The following ST6GALNAC3 variants were observed in gnomAD, a reference collection of about 807,000 sequenced individuals.
ST6GALNAC3 encodes alpha-N-acetylgalactosaminide alpha-2,6-sialyltransferase 3.
A neutral mutation model predicts 32.7 loss-of-function variants in ST6GALNAC3; 25 were observed. The ratio of observed to expected loss-of-function variants is 0.76; its 90% CI spans 0.56 to 1.07. ST6GALNAC3 has a LOEUF of 1.07. Ranked by LOEUF, ST6GALNAC3 falls within the 50% of genes least tolerant of loss-of-function variation. The pLI, the probability that ST6GALNAC3 is intolerant of heterozygous loss-of-function variation, is 0.00. For synonymous variants in ST6GALNAC3, 129 were observed against 133.1 expected (o/e 0.97, Z 0.21); for missense variants, 355 against 382.4 (o/e 0.93, Z 0.60).
chr1:76,587,708 C>G (rs1646983760), intron 3 of ST6GALNAC3, among the ~76,000 whole-genome samples: 1 of 152,134 alleles, frequency 6.6e-6, no homozygotes, highest in Non-Finnish European at 1.5e-5. Context: ...CGTAATGGCT[C>G]TTGATAAATG....
intron 3 of ST6GALNAC3, among the ~76,000 whole-genome samples, chr1:76,549,077 T>A (rs1007534459): frequency 6.6e-6 from 1 of 152,234 alleles, no homozygotes; most frequent in African/African-American, 2.4e-5. Flanking sequence ...AAATTTGATT[T>A]ACACATACAT....
intron 3 of ST6GALNAC3, among the ~76,000 whole-genome samples, chr1:76,468,920 T>A (rs1658836420): frequency 6.6e-6 from 1 of 151,852 alleles, no homozygotes; most frequent in African/African-American, 2.4e-5. Context: ...TACTCTGAAG[T>A]CATGCAGGAA....
intron 1 of ST6GALNAC3, among the ~76,000 whole-genome samples, chr1:76,157,541 A>G (rs1651535924): frequency 6.6e-6 from 1 of 152,232 alleles, no homozygotes; most frequent in African/African-American, 2.4e-5. Flanking sequence ...AGCCACTTAA[A>G]TAGCACCTTT....
intron 1 of ST6GALNAC3, among the ~76,000 whole-genome samples, chr1:76,139,382 A>G (rs1488460930): frequency 6.6e-6 from 1 of 151,678 alleles, no homozygotes; most frequent in African/African-American, 2.4e-5. Context: ...ACATATAAAC[A>G]TACACACATA....
chr1:76,634,035 T>G lies in ST6GALNAC3; in HGVS notation c.*5229T>G, dbSNP rs140188345. On this transcript the variant is annotated 3_prime_UTR_variant, in exon 5 of 5. Transcript: ENST00000328299. ...TAACAGTGCAGAAAATCTCATTTAG[T>G]TTTTTTCTTTTTTTTTTTCAGTTAA... is the stretch of plus-strand genomic sequence containing the variant. 79 of 434,990 alleles carry G rather than the reference T, an allele frequency of 1.8e-4. No homozygotes were observed. The East Asian group carries it at 0.011, about 61-fold the overall frequency. 26.9% of individuals were successfully genotyped at this position (434,990 alleles called of 1,614,324 possible).
At chr1:76,170,227 G>C (rs1007065176) in intron 1 of ST6GALNAC3, among the ~76,000 whole-genome samples, 3 of 152,188 alleles carry the variant, frequency 2.0e-5, no homozygotes, top group African/African-American at 7.2e-5. Flanking sequence ...GGGGCCTGAG[G>C]TGTGGCAGCT....
intron 1 of ST6GALNAC3, among the ~76,000 whole-genome samples, chr1:76,243,388 T>A (rs1397739641): frequency 6.6e-6 from 1 of 152,226 alleles, no homozygotes; most frequent in Non-Finnish European, 1.5e-5. Context: ...AAAAATTTTC[T>A]CCCATTCTGT....
intron 1 of ST6GALNAC3, among the ~76,000 whole-genome samples, chr1:76,108,658 G>A (rs977721925): frequency 1.3e-5 from 2 of 152,198 alleles, no homozygotes; most frequent in African/African-American, 2.4e-5. Context: ...CTTTACAGGA[G>A]TTGTCTTCTG....
intron 2 of ST6GALNAC3, among the ~76,000 whole-genome samples, chr1:76,356,746 A>G (rs1262625301): frequency 6.6e-6 from 1 of 152,194 alleles, no homozygotes; most frequent in Non-Finnish European, 1.5e-5. Flanking sequence ...CCTGATACCT[A>G]GGATACATAG....
chr1:76,563,613 G>C (rs1665376229), intron 3 of ST6GALNAC3, among the ~76,000 whole-genome samples: 1 of 151,956 alleles, frequency 6.6e-6, no homozygotes, highest in Non-Finnish European at 1.5e-5. Flanking sequence ...CAATAATAAA[G>C]TTATTTTACA....
At chr1:76,613,247 C>G (rs192101630) in intron 3 of ST6GALNAC3, among the ~76,000 whole-genome samples, 90 of 152,284 alleles carry the variant, frequency 5.9e-4, no homozygotes, top group African/African-American at 2.1e-3. Context: ...AGTAAATAAG[C>G]CTCTTGATGT....
chr1:76,467,155 A>G (rs1284217006), intron 3 of ST6GALNAC3, among the ~76,000 whole-genome samples: 3 of 152,082 alleles, frequency 2.0e-5, no homozygotes, highest in Non-Finnish European at 4.4e-5. Flanking sequence ...TTCCAGAATA[A>G]TGAAACCTCC....
chr1:76,597,927 A>G (rs150652568), intron 3 of ST6GALNAC3, among the ~76,000 whole-genome samples: 67 of 152,264 alleles, frequency 4.4e-4, no homozygotes, highest in Non-Finnish European at 7.1e-4. Context: ...TTAATTATGT[A>G]TAACTGTCTT....
Position 76,428,531 on chromosome 1 carries a change from C to G in ST6GALNAC3, c.623+16114C>G, listed in dbSNP as rs185688410. ...GGTTGTAGTTTTGTTGTTCTTTCCACGTTATTTTGCAGTTCTCCCTGTGGC... is the reference window on the plus strand; with the variant it reads ...GGTTGTAGTTTTGTTGTTCTTTCCAGGTTATTTTGCAGTTCTCCCTGTGGC... On this transcript the variant is annotated intron_variant, in intron 3 of 4. Coordinates refer to ENST00000328299, the MANE Select transcript of ST6GALNAC3 (RefSeq NM_152996.4). Among the ~76,000 whole-genome samples the G allele has an allele frequency of 1.6e-4, 24 of 152,062 alleles. No individual in the cohort carries two copies. In the East Asian group the frequency reaches 4.3e-3, roughly 27 times the overall value.
chr1:76,613,660 C>T (rs1648087625), intron 3 of ST6GALNAC3, among the ~76,000 whole-genome samples: 1 of 152,200 alleles, frequency 6.6e-6, no homozygotes, highest in African/African-American at 2.4e-5. Context: ...TGAGTGAGTT[C>T]TCACAAGACC....
chr1:76,345,171 C>T (rs1387951117), intron 2 of ST6GALNAC3, among the ~76,000 whole-genome samples: 4 of 152,186 alleles, frequency 2.6e-5, no homozygotes, highest in African/African-American at 9.7e-5. Context: ...CTTGTGGGAT[C>T]AGGCTCCTTC....
At chr1:76,226,132 T>G (rs979529781) in intron 1 of ST6GALNAC3, among the ~76,000 whole-genome samples, 11 of 152,172 alleles carry the variant, frequency 7.2e-5, no homozygotes, top group African/African-American at 2.7e-4. Flanking sequence ...GCACCCAGAC[T>G]GTGGGTATAA....
intron 1 of ST6GALNAC3, among the ~76,000 whole-genome samples, chr1:76,306,386 CAA>C (rs758055225): frequency 2.3e-4 from 35 of 151,882 alleles, no homozygotes; most frequent in Non-Finnish European, 4.1e-4. Flanking sequence ...TTTTGTTCAA[CAA>C]AAACACAACT....
chr1:76,087,141 G>T (rs1646975224), intron 1 of ST6GALNAC3, among the ~76,000 whole-genome samples: 1 of 152,136 alleles, frequency 6.6e-6, no homozygotes, highest in South Asian at 2.1e-4. Context: ...TGGTTTTGTG[G>T]CTTGATTTGA....
Sources: allele counts gnomAD v4.1 joint callset (sites outside exome capture counted in the v4.1 genomes callset), GRCh38; gene constraint gnomAD v4.1.1; transcripts MANE v1.5; gene names NCBI Gene and HGNC (gene_info 2026-07-23, HGNC 2026-07-21).